The following SOX6 variants were observed in gnomAD, a reference collection of about 807,000 sequenced individuals.
The protein encoded by SOX6 is transcription factor SOX-6.
In SOX6, 11 loss-of-function variants were observed where a neutral mutation model predicts 97.8. The observed-to-expected ratio is 0.11, with a 90% confidence interval of 0.07 to 0.19. The LOEUF (loss-of-function observed/expected upper bound fraction) is 0.19, where lower values mean the gene tolerates loss of function less well. SOX6 is among the 10% of genes least tolerant of loss of function. SOX6 has a pLI of 1.00. For synonymous variants in SOX6, 360 were observed against 371.4 expected (o/e 0.97, Z 0.35); for missense variants, 810 against 1,039.5 (o/e 0.78, Z 3.04).
At position 15,969,263 on chromosome 11, in the gene SOX6, T is replaced by A. The variant is rs1853235878; in HGVS notation, c.*3546A>T. The A allele has an allele frequency of 6.6e-6, 1 of 152,170 alleles. No homozygotes were observed. Among genetic ancestry groups the A allele is most frequent in the East Asian group, 1.9e-4 (1 of 5,194 alleles). The allele number at this position is 152,170 out of a possible 1,614,324, so 9.4% of individuals were successfully genotyped here. A position where few individuals can be genotyped will look rare whatever the true frequency, so the allele number is the denominator to read the frequency against. On this transcript the variant is annotated 3_prime_UTR_variant, in exon 16 of 16. Coordinates refer to ENST00000683767, the MANE Select transcript of SOX6 (RefSeq NM_001367873.1). ...TAACATTCTTGAATCTAAACTGACATGACGGGACGTTTATTAACGGCCGAT... is the reference window on the plus strand; with the variant it reads ...TAACATTCTTGAATCTAAACTGACAAGACGGGACGTTTATTAACGGCCGAT...
intron 6 of SOX6, among the ~76,000 whole-genome samples, chr11:16,132,440 AG>A (rs1428014674): frequency 1.0e-5 from 1 of 100,158 alleles, no homozygotes; most frequent in African/African-American, 4.6e-5. Flanking sequence ...AAAGAAAGAA[AG>A]AAAAAAGAAA....
At chr11:16,135,418 G>T (rs1219374875) in intron 6 of SOX6, among the ~76,000 whole-genome samples, 1 of 152,134 alleles carries the variant, frequency 6.6e-6, no homozygotes, top group Non-Finnish European at 1.5e-5. Flanking sequence ...TTCTGGATTT[G>T]CCATTCTAGA....
intron 1 of SOX6, among the ~76,000 whole-genome samples, chr11:16,425,895 C>T (rs1859118079): frequency 6.6e-6 from 1 of 151,566 alleles, no homozygotes; most frequent in African/African-American, 2.4e-5. Flanking sequence ...CTGTCCAAAG[C>T]AATTTATAGA....
intron 4 of SOX6, among the ~76,000 whole-genome samples, chr11:16,497,702 G>A (rs1250472058): frequency 6.6e-6 from 1 of 151,700 alleles, no homozygotes; most frequent in Non-Finnish European, 1.5e-5. Context: ...TGATCAACTG[G>A]AAGAAAGGGA....
chr11:16,131,179 G>A (rs1447254076), intron 6 of SOX6, among the ~76,000 whole-genome samples: 1 of 151,154 alleles, frequency 6.6e-6, no homozygotes, highest in East Asian at 1.9e-4. Flanking sequence ...CACAAAGTAA[G>A]AGAAAATATC....
intron 3 of SOX6, among the ~76,000 whole-genome samples, chr11:16,668,965 T>G (rs957706150): frequency 6.6e-6 from 1 of 152,240 alleles, no homozygotes; most frequent in African/African-American, 2.4e-5. Flanking sequence ...CACCATGCTT[T>G]CAGCACTGAA....
intron 6 of SOX6, among the ~76,000 whole-genome samples, chr11:16,112,995 C>G (rs1401372621): frequency 6.6e-6 from 1 of 152,148 alleles, no homozygotes; most frequent in East Asian, 1.9e-4. Context: ...TTTTAAGATA[C>G]AAACCTTTAC....
intron 1 of SOX6, among the ~76,000 whole-genome samples, chr11:16,364,129 C>T (rs929626076): frequency 6.6e-6 from 1 of 152,096 alleles, no homozygotes; most frequent in Non-Finnish European, 1.5e-5. Context: ...CTGACTTTTC[C>T]TCCTCCCTGA....
intron 4 of SOX6, among the ~76,000 whole-genome samples, chr11:16,194,009 T>G (rs1048024173): frequency 2.6e-5 from 4 of 152,282 alleles, no homozygotes; most frequent in African/African-American, 9.6e-5. Context: ...ACAGCCTTCT[T>G]TTAAATGTCA....
chr11:16,122,585 C>T (rs1290414831), intron 6 of SOX6, among the ~76,000 whole-genome samples: 1 of 151,962 alleles, frequency 6.6e-6, no homozygotes, highest in Non-Finnish European at 1.5e-5. Context: ...TGGCTTTCAC[C>T]TCTGAAGTAT....
At position 16,535,594 on chromosome 11, in the gene SOX6, C is replaced by T. The variant is rs1265395224; in HGVS notation, n.610-59206G>A. On this transcript the variant is annotated intron_variant and non_coding_transcript_variant, in intron 4 of 5. Transcript: ENST00000524520. ...GGCTAAGGTGAGAGGATCCCTTGAC[C>T]CTGGGAGGCAGAGGTTGTGGTGATC... 2.6e-5 allele frequency among the ~76,000 whole-genome samples: 4 copies of T among 152,202 alleles called. No homozygotes were observed. In the East Asian group the frequency reaches 7.7e-4, roughly 29 times the overall value.
At chr11:16,532,474 A>G (rs1180184482) in intron 4 of SOX6, among the ~76,000 whole-genome samples, 1 of 151,910 alleles carries the variant, frequency 6.6e-6, no homozygotes, top group Non-Finnish European at 1.5e-5. Flanking sequence ...TTAATATACA[A>G]TTATATCTCA....
At chr11:16,710,802 T>A (rs939504830) in intron 3 of SOX6, among the ~76,000 whole-genome samples, 4 of 152,222 alleles carry the variant, frequency 2.6e-5, no homozygotes, top group African/African-American at 9.6e-5. Flanking sequence ...GGTTTGACTA[T>A]CTATCTACTT....
At chr11:16,504,889 T>C (rs1860761621) in intron 4 of SOX6, among the ~76,000 whole-genome samples, 1 of 152,086 alleles carries the variant, frequency 6.6e-6, no homozygotes, top group Middle Eastern at 3.2e-3. Flanking sequence ...CCACCATAAT[T>C]ATAAGTTTCC....
chr11:16,512,063 C>T (rs1016154788), intron 4 of SOX6, among the ~76,000 whole-genome samples: 1 of 152,066 alleles, frequency 6.6e-6, no homozygotes, highest in African/African-American at 2.4e-5. Flanking sequence ...GTCCCAACTT[C>T]CATGAATCAG....
At chr11:16,606,540 C>T (rs1848336072) in intron 4 of SOX6, among the ~76,000 whole-genome samples, 1 of 152,206 alleles carries the variant, frequency 6.6e-6, no homozygotes, top group Non-Finnish European at 1.5e-5. Flanking sequence ...GAAATACCTA[C>T]CTCGAACTTC....
intron 12 of SOX6, among the ~76,000 whole-genome samples, chr11:16,036,604 C>T (rs1232651903): frequency 6.6e-6 from 1 of 152,146 alleles, no homozygotes; most frequent in Non-Finnish European, 1.5e-5. Flanking sequence ...TTAGACAGAG[C>T]ACACATTAGA....
chr11:16,000,065 G>A (rs535647126), intron 13 of SOX6, among the ~76,000 whole-genome samples: 9 of 152,290 alleles, frequency 5.9e-5, no homozygotes, highest in African/African-American at 2.2e-4. Flanking sequence ...TTGTGTTGAA[G>A]TAATGGCTGA....
intron 1 of SOX6, among the ~76,000 whole-genome samples, chr11:16,440,669 T>A (rs1363429339): frequency 6.6e-6 from 1 of 152,182 alleles, no homozygotes; most frequent in African/African-American, 2.4e-5. Context: ...CAAGTCCATT[T>A]CTTTTTGCCC....
Sources: allele counts gnomAD v4.1 joint callset (sites outside exome capture counted in the v4.1 genomes callset), GRCh38; gene constraint gnomAD v4.1.1; transcripts MANE v1.5; gene names NCBI Gene and HGNC (gene_info 2026-07-23, HGNC 2026-07-21).